Variants in DUSP1 observed in about 807,000 individuals in gnomAD.
DUSP1 encodes dual specificity protein phosphatase 1.
In DUSP1, 10 loss-of-function variants were observed where a neutral mutation model predicts 27.4. The ratio of observed to expected loss-of-function variants is 0.37; its 90% CI spans 0.23 to 0.62. DUSP1 has a LOEUF of 0.62. Ranked by LOEUF, DUSP1 falls within the 20% of genes least tolerant of loss-of-function variation. The pLI, the probability that DUSP1 is intolerant of heterozygous loss-of-function variation, is 0.68. For synonymous variants in DUSP1, 262 were observed against 223.6 expected (o/e 1.17, Z -1.53); for missense variants, 425 against 508.1 (o/e 0.84, Z 1.57).
intron 3 of DUSP1, 99 bp downstream of exon 3, chr5:172,769,476 A>T: frequency 7.8e-7 from 1 of 1,285,622 alleles, no homozygotes; most frequent in Non-Finnish European, 1.1e-6. Context: ...TGTGTGGAAG[A>T]AGGCTCAGAA....
intron 2 of DUSP1, 109 bp from the exon 3 acceptor site, chr5:172,769,903 A>C: frequency 7.6e-7 from 1 of 1,323,942 alleles, no homozygotes; most frequent in Non-Finnish European, 1.0e-6. Flanking sequence ...TACCGAGTGA[A>C]CTCAGTTCTG....
rs34118178 is a variant in DUSP1, at chr5:172,769,409, A to T, written c.733+166T>A. Reference sequence around the variant, plus strand: ...CCACTTTGCAAATCTGTAAAGTGGGACATCGAATCAAATTCATATTTTACA... The same window carrying T: ...CCACTTTGCAAATCTGTAAAGTGGGTCATCGAATCAAATTCATATTTTACA... On this transcript the variant is annotated intron_variant, in intron 3 of 3. Transcript: ENST00000239223. Among the ~76,000 whole-genome samples, 510 of 152,356 alleles carry T rather than the reference A, an allele frequency of 3.3e-3. 2 individuals carry two copies. Among genetic ancestry groups the T allele is most frequent in the African/African-American group, 0.012 (491 of 41,584 alleles).
Position 172,770,722 on chromosome 5 carries a change from G to A in DUSP1, c.231C>T (p.Ala77=). 1.4e-6 allele frequency: 2 copies of A among 1,407,424 alleles called. No homozygotes were observed. The allele number at this position is 1,407,424 out of a possible 1,614,324, so 87.2% of individuals were successfully genotyped here. The part of the protein sequence containing the change: ...PNAELRGRLL[A]GAYHAVVLLD... ...GCAACACCACGGCGTGGTAGGCGCC[G>A]GCCAGCAGGCGGCCGCGGAGCTCGG... The change falls in exon 1 of 4, where the codon GCC becomes GCT. Residue 77 remains alanine (A), a synonymous_variant. Coordinates refer to ENST00000239223, the MANE Select transcript of DUSP1 (RefSeq NM_004417.4).
chr5:172,770,203 C>A lies in DUSP1; in HGVS notation c.471G>T (p.Ala157=). The A allele has an allele frequency of 1.9e-6, 3 of 1,598,752 alleles. No homozygotes were observed. The highest frequency in any genetic ancestry group is 2.6e-6 in the Non-Finnish European group (3 of 1,175,120). The part of the protein sequence containing the change: ...LPLSTSVPDS[A]ESGCSSCSTP... The stretch of plus-strand genomic sequence containing the variant: ...TACTGCAGGAACTGCACCCAGATTC[C>A]GCGCTGTCAGGGACGCTAGTACTCA... The change falls in exon 2 of 4, where the codon GCG becomes GCT. Residue 157 remains alanine (A), a synonymous_variant. Coordinates refer to ENST00000239223, the MANE Select transcript of DUSP1 (RefSeq NM_004417.4).
chr5:172,770,556 G>A (rs752430292), intron 1 of DUSP1, 30 bp downstream of exon 1: 2 of 1,416,820 alleles, frequency 1.4e-6, no homozygotes, highest in South Asian at 3.4e-5. Flanking sequence ...AGGGGTGTGC[G>A]GCCCGCCCCG....
chr5:172,770,106 C>A (rs1049598746), intron 2 of DUSP1, 55 bp downstream of exon 2: 42 of 1,526,880 alleles, frequency 2.8e-5, no homozygotes, highest in Non-Finnish European at 3.6e-5. Context: ...TGGCACTACT[C>A]TTCCATGCCT....
Position 172,768,922 on chromosome 5 carries a change from G to A in DUSP1, c.944C>T (p.Pro315Leu), listed in dbSNP as rs771383057. 12 of 1,614,038 alleles carry A rather than the reference G, an allele frequency of 7.4e-6. No individual in the cohort carries two copies. The highest frequency in any genetic ancestry group is 2.7e-5 in the African/African-American group (2 of 74,942). ...GCTCCCAGCCTCTGCCGAACAGTGC[G>A]GAGCCAGCACCTGGGACTCAAACTG... Reference protein sequence around the residue: ...LLQFESQVLAPHCSAEAGSPA... With the variant: ...LLQFESQVLALHCSAEAGSPA... Residue 315 changes from proline (P) to leucine (L), a missense_variant, in exon 4 of 4, where the codon CCG becomes CTG. Pro to Leu is a moderately conservative substitution (Grantham distance 98). This residue lies in a region of DUSP1 where 84 missense variants were observed against 80.5 expected (regional missense o/e 1.04). Coordinates refer to ENST00000239223, the MANE Select transcript of DUSP1 (RefSeq NM_004417.4).
rs1002522435 is a variant in DUSP1, at chr5:172,769,031, C to T, written c.835G>A (p.Val279Ile). The change falls in exon 4 of 4, where the codon GTC (valine) becomes ATC (isoleucine). Residue 279 changes from valine to isoleucine, a missense_variant. Val to Ile is a conservative substitution (Grantham distance 29). Transcript: ENST00000239223. ...CLAYLMRTNR[V>I]KLDEAFEFVK... Reference sequence around the variant, plus strand: ...AACTCAAAGGCCTCGTCCAGCTTGACTCGATTAGTCCTCATAAGGTAAGCA... The same window carrying T: ...AACTCAAAGGCCTCGTCCAGCTTGATTCGATTAGTCCTCATAAGGTAAGCA... The T allele has an allele frequency of 3.7e-6, 6 of 1,614,098 alleles. No individual in the cohort carries two copies. The highest frequency in any genetic ancestry group is 5.1e-6 in the Non-Finnish European group (6 of 1,180,062).
At chr5:172,769,213 G>C in intron 3 of DUSP1, 81 bp from the exon 4 acceptor site, 1 of 1,518,438 alleles carries the variant, frequency 6.6e-7, no homozygotes, top group South Asian at 1.3e-5. Context: ...TCTGAGAAAG[G>C]TCATGTGTGT....
Position 172,771,194 on chromosome 5 carries a change from G to C in DUSP1, c.-242C>G. 1 of 447,450 alleles carries C rather than the reference G, an allele frequency of 2.2e-6. No individual in the cohort carries two copies. Among genetic ancestry groups the C allele is most frequent in the Non-Finnish European group, 3.7e-6 (1 of 271,202 alleles). The allele number at this position is 447,450 out of a possible 1,614,324, so 27.7% of individuals were successfully genotyped here. ...CGCACACACAGCCCAAATGTCCTTC[G>C]CAGCGAGCCTGGCCCGGGGAGCGCG... On this transcript the variant is annotated 5_prime_UTR_variant, in exon 1 of 4. Transcript: ENST00000239223.
chr5:172,769,280 G>A (rs960806154), intron 3 of DUSP1, 148 bp from the exon 4 acceptor site: 2 of 1,253,330 alleles, frequency 1.6e-6, no homozygotes, highest in South Asian at 1.5e-5. Context: ...TGTTCATGGA[G>A]GCAACGTGGG....
In DUSP1 at chr5:172,768,879, G is replaced by A. The variant is rs753825565; in HGVS notation, c.987C>T (p.Leu329=). The change falls in exon 4 of 4, where the codon CTC becomes CTT. Residue 329 remains leucine (L), a synonymous_variant. Coordinates refer to ENST00000239223, the MANE Select transcript of DUSP1 (RefSeq NM_004417.4). The stretch of plus-strand genomic sequence containing the variant: ...CGGTGGTGGTGGAGGTGCCTCGGTC[G>A]AGCACAGCCATGGCGGGGCTCCCAG... ...AEAGSPAMAV[L]DRGTSTTTVF... is the part of the protein sequence containing the mutation. The A allele has an allele frequency of 9.3e-6, 15 of 1,611,620 alleles. No homozygotes were observed. The African/African-American group carries it at 9.3e-5, about 10-fold the overall frequency.
Position 172,768,811 on chromosome 5 carries a change from C to T in DUSP1, c.1055G>A (p.Ser352Asn), listed in dbSNP as rs1416446885. The T allele has an allele frequency of 1.3e-6, 2 of 1,557,336 alleles. No individual in the cohort carries two copies. Among genetic ancestry groups the T allele is most frequent in the East Asian group, 2.3e-5 (1 of 44,340 alleles). Residue 352 changes from serine (S) to asparagine (N), a missense_variant, in exon 4 of 4, where the codon AGT (serine) becomes AAT (asparagine). Coordinates refer to ENST00000239223, the MANE Select transcript of DUSP1 (RefSeq NM_004417.4). ...PVSIPVHSTN[S>N]ALSYLQSPIT... Reference sequence around the variant, plus strand: ...GGGGCTCTGAAGGTAGCTCAGCGCACTGTTCGTGGAGTGGACAGGGATGGA... The same window carrying T: ...GGGGCTCTGAAGGTAGCTCAGCGCATTGTTCGTGGAGTGGACAGGGATGGA...
Position 172,768,114 on chromosome 5 carries a change from A to C in DUSP1, c.*648T>G, listed in dbSNP as rs1483477765. 6.6e-6 allele frequency: 1 copy of C among 152,626 alleles called. No homozygotes were observed. Among genetic ancestry groups the C allele is most frequent in the Non-Finnish European group, 1.5e-5 (1 of 68,034 alleles). The allele number at this position is 152,626 out of a possible 1,614,324, so 9.5% of individuals were successfully genotyped here. A position where few individuals can be genotyped will look rare whatever the true frequency, so the allele number is the denominator to read the frequency against. On this transcript the variant is annotated 3_prime_UTR_variant, in exon 4 of 4. Coordinates refer to ENST00000239223, the MANE Select transcript of DUSP1 (RefSeq NM_004417.4). ...GTTGAAATTTCAATAGAAATGCCAT[A>C]ATTTATTCCATTGTATAAAAAAGTC... is the stretch of plus-strand genomic sequence containing the variant.
At position 172,770,728 on chromosome 5, in the gene DUSP1, C is replaced by T; in HGVS notation, c.225G>A (p.Leu75=). 7.1e-7 allele frequency: 1 copy of T among 1,415,284 alleles called. No individual in the cohort carries two copies. The allele number at this position is 1,415,284 out of a possible 1,614,324, so 87.7% of individuals were successfully genotyped here. Residue 75 remains leucine (L), a synonymous_variant, in exon 1 of 4, where the codon CTG becomes CTA. Coordinates refer to ENST00000239223, the MANE Select transcript of DUSP1 (RefSeq NM_004417.4). The stretch of plus-strand genomic sequence containing the variant: ...CCACGGCGTGGTAGGCGCCGGCCAG[C>T]AGGCGGCCGCGGAGCTCGGCGTTGG... ...IVPNAELRGR[L]LAGAYHAVVL...
rs1403191819 is a variant in DUSP1, at chr5:172,768,813, G to C, written c.1053C>G (p.Asn351Lys). 1 of 1,570,456 alleles carries C rather than the reference G, an allele frequency of 6.4e-7. No individual in the cohort carries two copies. Among genetic ancestry groups the C allele is most frequent in the Admixed American group, 1.8e-5 (1 of 56,302 alleles). ...FPVSIPVHST[N>K]SALSYLQSPI... Reference sequence around the variant, plus strand: ...GGCTCTGAAGGTAGCTCAGCGCACTGTTCGTGGAGTGGACAGGGATGGAGA... The same window carrying C: ...GGCTCTGAAGGTAGCTCAGCGCACTCTTCGTGGAGTGGACAGGGATGGAGA... Residue 351 changes from asparagine (N) to lysine (K), a missense_variant, in exon 4 of 4, where the codon AAC (asparagine) becomes AAG (lysine). Coordinates refer to ENST00000239223, the MANE Select transcript of DUSP1 (RefSeq NM_004417.4).
At chr5:172,769,192 G>C in intron 3 of DUSP1, 60 bp from the exon 4 acceptor site, 1 of 1,543,404 alleles carries the variant, frequency 6.5e-7, no homozygotes, top group Non-Finnish European at 8.7e-7. Context: ...CCCAAGCCCA[G>C]GTACAGTGTA....
rs1759890226 is a variant in DUSP1 at position 172,771,122 on chromosome 5, C to A, written c.-170G>T. ...GAGGAGCGTCACGCGGGGCTCCGGG[C>A]TCCTCGGCTTCTTCGCGGTTCCCCC... On this transcript the variant is annotated 5_prime_UTR_variant, in exon 1 of 4. Transcript: ENST00000239223. The A allele has an allele frequency of 2.1e-6, 2 of 942,220 alleles. No homozygotes were observed. Among genetic ancestry groups the A allele is most frequent in the African/African-American group, 1.7e-5 (1 of 58,108 alleles). The allele number at this position is 942,220 out of a possible 1,614,324, so 58.4% of individuals were successfully genotyped here.
intron 2 of DUSP1, 83 bp downstream of exon 2, chr5:172,770,078 C>A: frequency 6.6e-7 from 1 of 1,503,784 alleles, no homozygotes; most frequent in South Asian, 1.4e-5. Context: ...TGCTGCAGGT[C>A]ACTTTCTATA....
Sources: gnomAD v4.1 joint callset for allele counts (sites outside exome capture counted in the v4.1 genomes callset) on GRCh38, gnomAD v4.1.1 for gene constraint, gnomAD v4.1.1 regional missense constraint, MANE v1.5 for transcripts, NCBI Gene and HGNC (gene_info 2026-07-23, HGNC 2026-07-21) for gene names.